Variants in CHD4 observed in about 807,000 individuals in gnomAD.
The protein encoded by CHD4 is ATP-dependent chromatin remodeler CHD4.
A neutral mutation model predicts 235.5 loss-of-function variants in CHD4; 35 were observed. The ratio of observed to expected loss-of-function variants is 0.15; its 90% CI spans 0.11 to 0.20. The LOEUF (loss-of-function observed/expected upper bound fraction) is 0.20, where lower values mean the gene tolerates loss of function less well. CHD4 is among the 10% of genes least tolerant of loss of function. CHD4 has a pLI of 1.00. For missense variants in CHD4, 1,329 were observed against 2,432.3 expected, an observed-to-expected ratio of 0.55 and a Z score of 9.54; for synonymous variants, 900 against 850.2, an observed-to-expected ratio of 1.06 and a Z score of -1.02.
rs61759470 is a variant in CHD4 at position 6,593,133 on chromosome 12, G to A, written c.2610C>T (p.Leu870=). 1,410 of 1,614,204 alleles carry A rather than the reference G, an allele frequency of 8.7e-4. No individual in the cohort carries two copies. The highest frequency in any genetic ancestry group is 1.1e-3 in the Non-Finnish European group (1,321 of 1,180,040). Residue 870 remains leucine, a synonymous_variant, in exon 17 of 40, where the codon CTC becomes CTT. Coordinates refer to ENST00000544040, the MANE Select transcript of CHD4 (RefSeq NM_001273.5). This position sits in a 1 kb window ranked among gnomAD's most constrained non-coding sequence, Gnocchi z 4.9. ...AILGSIDWAC[L]IVDEAHRLKN... ...TCAGCCGATGGGCTTCATCCACGAT[G>A]AGGCAGGCCCAATCAATAGAGCCCA...
intron 19 of CHD4, 52 bp from the exon 20 acceptor site, chr12:6,592,109 T>G (rs2093384653): frequency 6.2e-7 from 1 of 1,603,396 alleles, no homozygotes; most frequent in Admixed American, 1.7e-5. Context: ...TTTCAATGAC[T>G]AATAATGCAG....
Position 6,581,748 on chromosome 12 carries a change from T to C in CHD4, c.4582A>G (p.Lys1528Glu). 1.3e-6 allele frequency: 2 copies of C among 1,599,472 alleles called. No individual in the cohort carries two copies. Among genetic ancestry groups the C allele is most frequent in the Admixed American group, 1.7e-5 (1 of 58,704 alleles). ...MPELAEVEENKKMSQPGSPSP... is the reference protein window; with the variant it reads ...MPELAEVEENEKMSQPGSPSP... ...GGTGACCCTGGCTGGGACATCTTCT[T>C]GTTTTCCTCCACCTCAGCCAGTTCA... is the stretch of plus-strand genomic sequence containing the variant. Residue 1528 changes from lysine (K) to glutamate (E), a missense_variant, in exon 31 of 40, where the codon AAG (lysine) becomes GAG (glutamate). Physicochemically the swap from Lys to Glu is moderately conservative, Grantham distance 56. Transcript: ENST00000544040.
chr12:6,591,297 T>C lies in CHD4; in HGVS notation c.3340+169A>G, dbSNP rs955325088. 3 of 589,810 alleles carry C rather than the reference T, an allele frequency of 5.1e-6. No individual in the cohort carries two copies. The African/African-American group carries it at 5.6e-5, about 11-fold the overall frequency. The allele number at this position is 589,810 out of a possible 1,614,324, so 36.5% of individuals were successfully genotyped here. A position where few individuals can be genotyped will look rare whatever the true frequency, so the allele number is the denominator to read the frequency against. On this transcript the variant is annotated intron_variant, in intron 22 of 39. Transcript: ENST00000544040. ...AAATACCCCAAAAGAAAAAATCTCCTAGGAATAGTCCAATACATTCGTCCA... is the reference window on the plus strand; with the variant it reads ...AAATACCCCAAAAGAAAAAATCTCCCAGGAATAGTCCAATACATTCGTCCA...
Position 6,578,870 on chromosome 12 carries a change from T to C in CHD4, c.4957A>G (p.Thr1653Ala). 1.2e-6 allele frequency: 2 copies of C among 1,614,144 alleles called. No individual in the cohort carries two copies. The highest frequency in any genetic ancestry group is 1.7e-6 in the Non-Finnish European group (2 of 1,180,004). ...CCTTTGTCTTCTACCACAATAGGGGTCAGATCTATTGCTGACTTTTCCTCC... is the reference window on the plus strand; with the variant it reads ...CCTTTGTCTTCTACCACAATAGGGGCCAGATCTATTGCTGACTTTTCCTCC... ...KVEEKSAIDL[T>A]PIVVEDKEEK... The change falls in exon 34 of 40, where the codon ACC (threonine) becomes GCC (alanine). Residue 1653 changes from threonine to alanine, a missense_variant. Coordinates refer to ENST00000544040, the MANE Select transcript of CHD4 (RefSeq NM_001273.5).
rs1257082726 is a variant in CHD4, at chr12:6,593,054, A to G, written c.2652+37T>C. 3.7e-6 allele frequency: 6 copies of G among 1,609,014 alleles called. No individual in the cohort carries two copies. Among genetic ancestry groups the G allele is most frequent in the Non-Finnish European group, 5.1e-6 (6 of 1,178,328 alleles). ...GAATTGGTAGTACTAGAAAAAACCC[A>G]AAGTGGGGGCTCCAACATCCCTCCC... On this transcript the variant is annotated intron_variant, in intron 17 of 39. Transcript: ENST00000544040. This position sits in a 1 kb window ranked among gnomAD's most constrained non-coding sequence, Gnocchi z 4.9.
chr12:6,570,697 G>A lies in CHD4; in HGVS notation c.5722-4C>T, dbSNP rs1452595457. 28 of 1,614,186 alleles carry A rather than the reference G, an allele frequency of 1.7e-5. No individual in the cohort carries two copies. The highest frequency in any genetic ancestry group is 2.2e-5 in the Non-Finnish European group (26 of 1,180,040). ...ATCTTCACTGCTGCTGGGCTACCTA[G>A]AGAAGGAGACCCGAGGAGTCAGAAT... On this transcript the variant is annotated splice_polypyrimidine_tract_variant and splice_region_variant and intron_variant, in intron 39 of 39. Transcript: ENST00000544040.
intron 12 of CHD4, among the ~76,000 whole-genome samples, chr12:6,597,278 C>A (rs1050387720): frequency 6.7e-6 from 1 of 150,296 alleles, no homozygotes; most frequent in Admixed American, 6.6e-5. Context: ...CAAAAAAAAA[C>A]AATAATAATA....
intron 33 of CHD4, chr12:6,580,710 A>AAAAAAAAAAAAAC (rs1565604020): frequency 1.3e-4 from 26 of 196,064 alleles, no homozygotes; most frequent in Non-Finnish European, 2.1e-4. Context: ...CTTTGAAAAA[A>AAAAAAAAAAAAAC]AAAAAAAAAA....
chr12:6,601,893 T>C (rs1948598292), intron 4 of CHD4, 67 bp downstream of exon 4: 2 of 1,572,870 alleles, frequency 1.3e-6, no homozygotes, highest in Non-Finnish European at 1.7e-6. Context: ...TAAAGGGCAG[T>C]AAGGTGTCTA....
In CHD4 at chr12:6,582,882, G is replaced by A; in HGVS notation, c.4202C>T (p.Pro1401Leu). ...CCCACCAACACGGGCCAACAGAGGA[G>A]GCAATGGCTTATCTTTATCATTCCG... is the stretch of plus-strand genomic sequence containing the variant. ...GLRNDKDKPL[P>L]PLLARVGGNI... Residue 1401 changes from proline to leucine, a missense_variant, in exon 28 of 40, where the codon CCT becomes CTT. By Grantham distance (98) the Pro-to-Leu change is moderately conservative. Transcript: ENST00000544040. 2 of 1,613,994 alleles carry A rather than the reference G, an allele frequency of 1.2e-6. No homozygotes were observed. Among genetic ancestry groups the A allele is most frequent in the Non-Finnish European group, 1.7e-6 (2 of 1,180,032 alleles).
chr12:6,579,233 T>A (rs1948127650), intron 33 of CHD4: 2 of 357,840 alleles, frequency 5.6e-6, no homozygotes, highest in South Asian at 5.2e-5. Flanking sequence ...GTGGATCACC[T>A]GAGGTGAGGA....
intron 12 of CHD4, among the ~76,000 whole-genome samples, chr12:6,597,551 G>A (rs1948521120): frequency 6.6e-6 from 1 of 152,244 alleles, no homozygotes; most frequent in Admixed American, 6.5e-5. Flanking sequence ...ATCACCTGAG[G>A]TCAGGAGTTC....
At chr12:6,599,258 CCT>C (rs1235492156) in intron 10 of CHD4, among the ~76,000 whole-genome samples, 2 of 151,980 alleles carry the variant, frequency 1.3e-5, no homozygotes, top group African/African-American at 4.8e-5. Flanking sequence ...ATAGTGAGAC[CCT>C]GTCTCAACAG....
Position 6,591,952 on chromosome 12 carries a change from G to A in CHD4, c.3054C>T (p.Cys1018=). Residue 1018 remains cysteine (C), a synonymous_variant, in exon 20 of 40, where the codon TGC becomes TGT. Coordinates refer to ENST00000544040, the MANE Select transcript of CHD4 (RefSeq NM_001273.5). ...LLNVVMDLKK[C]CNHPYLFPVA... ...CAGGGAAGAGGTATGGATGGTTGCA[G>A]CACTTCTTAAGATCCATCACCACAT... 6.2e-7 allele frequency: 1 copy of A among 1,614,258 alleles called. No homozygotes were observed. Among genetic ancestry groups the A allele is most frequent in the African/African-American group, 1.3e-5 (1 of 75,070 alleles).
Position 6,583,079 on chromosome 12 carries a change from A to C in CHD4, c.4095T>G (p.Asp1365Glu). Residue 1365 changes from aspartate to glutamate, a missense_variant, in exon 27 of 40, where the codon GAT becomes GAG. Coordinates refer to ENST00000544040, the MANE Select transcript of CHD4 (RefSeq NM_001273.5). ...WQDDQSDNQS[D>E]YSVASEEGDE... Reference sequence around the variant, plus strand: ...CACCTTCCTCTGAAGCCACTGAGTAATCGGACTGGTTGTCGGACTGGTCGT... The same window carrying C: ...CACCTTCCTCTGAAGCCACTGAGTACTCGGACTGGTTGTCGGACTGGTCGT... 1 of 1,572,372 alleles carries C rather than the reference A, an allele frequency of 6.4e-7. No homozygotes were observed. Among genetic ancestry groups the C allele is most frequent in the Non-Finnish European group, 8.6e-7 (1 of 1,158,852 alleles).
Position 6,578,515 on chromosome 12 carries a change from CTCT to C in CHD4, c.5010_5012del (p.Glu1671del). The C allele has an allele frequency of 6.2e-7, 1 of 1,611,982 alleles. No homozygotes were observed. Among genetic ancestry groups the C allele is most frequent in the Non-Finnish European group, 8.5e-7 (1 of 1,179,690 alleles). ...GGGTCTCTCCATTCTGAAGCATCAC[CTCT>C]TTTTTCTCTTCTTCTTCTTTCTTCT... On this transcript the variant is annotated inframe_deletion, in exon 35 of 40. Coordinates refer to ENST00000544040, the MANE Select transcript of CHD4 (RefSeq NM_001273.5).
chr12:6,578,311 A>G, intron 35 of CHD4, 98 bp downstream of exon 35: 1 of 1,447,050 alleles, frequency 6.9e-7, no homozygotes, highest in South Asian at 1.2e-5. Context: ...CTCATCAAAC[A>G]GAGGTAAAGA....
intron 37 of CHD4, among the ~76,000 whole-genome samples, chr12:6,574,029 A>G (rs576833890): frequency 3.4e-4 from 51 of 152,182 alleles, no homozygotes; most frequent in African/African-American, 1.1e-3. Context: ...TCAAAAAAAA[A>G]GGGGTTATTT....
At chr12:6,590,616 T>A (rs1035575949) in intron 22 of CHD4, among the ~76,000 whole-genome samples, 4 of 152,086 alleles carry the variant, frequency 2.6e-5, no homozygotes, top group African/African-American at 9.7e-5. Context: ...CCCAGAACTT[T>A]GTGATCAGCC....
Sources: allele counts gnomAD v4.1 joint callset (sites outside exome capture counted in the v4.1 genomes callset), GRCh38; gene constraint gnomAD v4.1.1; non-coding constraint Gnocchi (gnomAD v3.1); transcripts MANE v1.5; gene names NCBI Gene and HGNC (gene_info 2026-07-23, HGNC 2026-07-21).